MAPT: variants seen among roughly 807,000 people sequenced by gnomAD.
MAPT encodes microtubule associated protein tau, also known as microtubule-associated protein tau.
A neutral mutation model predicts 67.9 loss-of-function variants in MAPT; 34 were observed. That is an observed-to-expected ratio of 0.50 (90% CI 0.38 to 0.67). The LOEUF (loss-of-function observed/expected upper bound fraction) is 0.67. Ranked by LOEUF, MAPT falls within the 30% of genes least tolerant of loss-of-function variation. The pLI is 0.00. For synonymous variants in MAPT, 456 were observed against 464.5 expected (o/e 0.98, Z 0.23); for missense variants, 881 against 1,115.2 (o/e 0.79, Z 2.99).
rs772302437 is a variant in MAPT at position 45,996,685 on chromosome 17, G to T, written c.1998+21G>T. 3 of 1,611,982 alleles carry T rather than the reference G, an allele frequency of 1.9e-6. No individual in the cohort carries two copies. The highest frequency in any genetic ancestry group is 2.5e-6 in the Non-Finnish European group (3 of 1,178,936). On this transcript the variant is annotated intron_variant, in intron 9 of 12. Transcript: ENST00000262410. The surrounding 1 kb of genome is among the most constrained non-coding windows in gnomAD (Gnocchi z 4.5). ...GGAAGGTGAGAGTGGCTGGCTGCGC[G>T]TGGAGGTGTGGGGGGCTGCGCCTGG...
chr17:45,994,281 G>A (rs1352908716), intron 8 of MAPT, among the ~76,000 whole-genome samples: 2 of 152,124 alleles, frequency 1.3e-5, no homozygotes, highest in East Asian at 3.9e-4. Flanking sequence ...AAGGAGGTCA[G>A]GTGACTTGCC....
intron 12 of MAPT, among the ~76,000 whole-genome samples, chr17:46,021,617 TCA>T (rs2076535060): frequency 6.6e-6 from 1 of 152,192 alleles, no homozygotes; most frequent in Non-Finnish European, 1.5e-5. Flanking sequence ...CCTCTCAGCC[TCA>T]GTTTCTCCTT....
Position 45,904,338 on chromosome 17 carries a change from A to ATATATATATTATATATATTAAATATATTT in MAPT, c.-18+9672_-18+9673insAATATATTTTATATATATTATATATATTA, listed in dbSNP as rs1568136256. Among the ~76,000 whole-genome samples, 94 of 62,436 alleles carry ATATATATATTATATATATTAAATATATTT rather than the reference A, an allele frequency of 1.5e-3. 6 individuals are homozygous for ATATATATATTATATATATTAAATATATTT. Among genetic ancestry groups the ATATATATATTATATATATTAAATATATTT allele is most frequent in the Middle Eastern group, 8.5e-3 (1 of 118 alleles). 41.0% of individuals were successfully genotyped at this position (62,436 alleles called of 152,430 possible). On this transcript the variant is annotated intron_variant, in intron 1 of 12. Coordinates refer to ENST00000262410, the MANE Select transcript of MAPT (RefSeq NM_001377265.1). Reference sequence around the variant, plus strand: ...ACATATATAATATATATTATATATTATATATATATTATATATATTATATAT... The same window carrying ATATATATATTATATATATTAAATATATTT: ...ACATATATAATATATATTATATATTATATATATATTATATATATTAAATATATTTTATATATATTATATATATTATATAT...
intron 9 of MAPT, among the ~76,000 whole-genome samples, chr17:45,997,556 G>A (rs1039905014): frequency 3.7e-4 from 56 of 152,142 alleles, no homozygotes; most frequent in Non-Finnish European, 7.8e-4. Flanking sequence ...TCAGGAGTTC[G>A]AGACCAACCT....
intron 1 of MAPT, among the ~76,000 whole-genome samples, chr17:45,956,436 T>A (rs17571781): frequency 6.6e-6 from 1 of 151,684 alleles, no homozygotes; most frequent in African/African-American, 2.4e-5. Flanking sequence ...CTAGAACCCA[T>A]GAATTTGGAA....
chr17:45,985,954 T>G (rs545855069), intron 5 of MAPT, among the ~76,000 whole-genome samples: 1 of 152,278 alleles, frequency 6.6e-6, no homozygotes, highest in South Asian at 2.1e-4. Flanking sequence ...AGAGACCCAG[T>G]TGTCCATGGG....
intron 10 of MAPT, 85 bp from the exon 11 acceptor site, chr17:46,014,153 TAATAA>T (rs2076003576): frequency 1.3e-6 from 1 of 780,724 alleles, no homozygotes; most frequent in East Asian, 2.7e-5. Context: ...GTTACACCCT[TAATAA>T]AATAATCCCA....
rs2076744044 is a variant in MAPT at position 46,024,965 on chromosome 17, G to T, written c.*794G>T. On this transcript the variant is annotated 3_prime_UTR_variant, in exon 13 of 13. Coordinates refer to ENST00000262410, the MANE Select transcript of MAPT (RefSeq NM_001377265.1). Reference sequence around the variant, plus strand: ...GTAAAAAGAGAAGGCAAGCTGGCAGGAGGGTGGCACTTCGTGGATGACCTC... The same window carrying T: ...GTAAAAAGAGAAGGCAAGCTGGCAGTAGGGTGGCACTTCGTGGATGACCTC... 6.5e-6 allele frequency: 1 copy of T among 153,392 alleles called. No homozygotes were observed. The highest frequency in any genetic ancestry group is 6.5e-5 in the Admixed American group (1 of 15,440). 9.5% of individuals were successfully genotyped at this position (153,392 alleles called of 1,614,324 possible).
At chr17:45,999,811 A>G in intron 9 of MAPT, 1 of 709,108 alleles carries the variant, frequency 1.4e-6, no homozygotes, top group South Asian at 2.0e-5. Flanking sequence ...AAAGTGGCAG[A>G]GGACACAGTC....
chr17:46,018,508 G>C (rs1409946442), intron 11 of MAPT, 110 bp from the exon 12 acceptor site: 4 of 852,006 alleles, frequency 4.7e-6, no homozygotes, highest in Non-Finnish European at 8.3e-6. Context: ...CTGTGCCCCA[G>C]CAGCCCCTGG....
In MAPT at chr17:45,983,207, G is replaced by A; in HGVS notation, c.628G>A (p.Gly210Ser). ...EPESGKVVQE[G>S]FLREPGPPGL... is the part of the protein sequence containing the mutation. ...TGAAAGTGGTAAGGTGGTCCAGGAAGGCTTCCTCCGAGAGCCAGGCCCCCC... is the reference window on the plus strand; with the variant it reads ...TGAAAGTGGTAAGGTGGTCCAGGAAAGCTTCCTCCGAGAGCCAGGCCCCCC... The change falls in exon 5 of 13, where the codon GGC (glycine) becomes AGC (serine). Residue 210 changes from glycine (G) to serine (S), a missense_variant. This residue lies in a region of MAPT where 687 missense variants were observed against 766.1 expected (regional missense o/e 0.90). Coordinates refer to ENST00000262410, the MANE Select transcript of MAPT (RefSeq NM_001377265.1). 6.2e-7 allele frequency: 1 copy of A among 1,608,466 alleles called. No individual in the cohort carries two copies. Among genetic ancestry groups the A allele is most frequent in the South Asian group, 1.1e-5 (1 of 89,910 alleles).
intron 1 of MAPT, among the ~76,000 whole-genome samples, chr17:45,902,267 C>G (rs997429531): frequency 6.6e-6 from 1 of 152,112 alleles, no homozygotes; most frequent in Non-Finnish European, 1.5e-5. Flanking sequence ...GATGGGGTAT[C>G]GCCATGTTGG....
chr17:45,904,545 A>G (rs568903161), intron 1 of MAPT, among the ~76,000 whole-genome samples: 80 of 149,664 alleles, frequency 5.3e-4, no homozygotes, highest in Non-Finnish European at 8.9e-4. Context: ...TGTAAAAATT[A>G]GCTGGGCATG....
chr17:45,990,086 C>T lies in MAPT; in HGVS notation c.1605+11C>T, dbSNP rs572362496. On this transcript the variant is annotated intron_variant, in intron 7 of 12. Transcript: ENST00000262410. ...GAGATGAAACTCAAGGTAAGGAAAC[C>T]ACCTTTGAAAAGAACCAGGCTGCTC... The T allele has an allele frequency of 1.2e-6, 2 of 1,613,340 alleles. No homozygotes were observed. The highest frequency in any genetic ancestry group is 2.7e-5 in the African/African-American group (2 of 75,026).
chr17:45,969,932 A>G (rs1387833601), intron 2 of MAPT, among the ~76,000 whole-genome samples: 2 of 145,458 alleles, frequency 1.4e-5, no homozygotes, highest in South Asian at 2.2e-4. Flanking sequence ...TCATCTATAC[A>G]TCATCCATTC....
intron 9 of MAPT, among the ~76,000 whole-genome samples, chr17:46,008,586 T>G (rs1002160600): frequency 1.4e-4 from 22 of 152,342 alleles, no homozygotes; most frequent in Non-Finnish European, 2.4e-4. Flanking sequence ...TTATATTTTC[T>G]AATAAAAATA....
chr17:45,917,898 C>T (rs1011163528), intron 1 of MAPT, among the ~76,000 whole-genome samples: 2 of 152,082 alleles, frequency 1.3e-5, no homozygotes, highest in Admixed American at 6.6e-5. Flanking sequence ...CTCGGCCTCC[C>T]GAGCAGCAAG....
At chr17:45,999,360 C>A (rs763740965) in intron 9 of MAPT, 1 of 1,613,814 alleles carries the variant, frequency 6.2e-7, no homozygotes. Flanking sequence ...TCATTGAATG[C>A]GGGGTTAATT....
chr17:45,978,633 T>G lies in MAPT; in HGVS notation c.286+193T>G, dbSNP rs536267575. 107 of 589,776 alleles carry G rather than the reference T, an allele frequency of 1.8e-4. No homozygotes were observed. The African/African-American group carries it at 1.8e-3, about 10-fold the overall frequency. 36.5% of individuals were successfully genotyped at this position (589,776 alleles called of 1,614,324 possible). On this transcript the variant is annotated intron_variant, in intron 4 of 12. Coordinates refer to ENST00000262410, the MANE Select transcript of MAPT (RefSeq NM_001377265.1). ...CTAGTGGTTTTTTTCTAATACCATT[T>G]CTGGGTAATTCCTAAGGCATTTAGT...
Sources: gnomAD v4.1 joint callset for allele counts (sites outside exome capture counted in the v4.1 genomes callset) on GRCh38, gnomAD v4.1.1 for gene constraint, gnomAD v4.1.1 regional missense constraint, Gnocchi (gnomAD v3.1) non-coding constraint, MANE v1.5 for transcripts, NCBI Gene and HGNC (gene_info 2026-07-23, HGNC 2026-07-21) for gene names.